Variants in C10orf67 observed in about 807,000 individuals in gnomAD.
C10orf67 encodes chromosome 10 open reading frame 67.
Under a neutral mutation model 35.6 loss-of-function variants are expected in C10orf67, and 60 were observed. The observed-to-expected ratio is 1.68, with a 90% confidence interval of 1.37 to 2.09. C10orf67 has a LOEUF of 2.09. Ranked by LOEUF, C10orf67 falls within the 30% of genes most tolerant of loss-of-function variation. C10orf67 has a pLI of 0.00. For synonymous variants in C10orf67, 167 were observed against 115.8 expected (o/e 1.44, Z -2.84); for missense variants, 474 against 330.2 (o/e 1.44, Z -3.38).
chr10:23,294,455 T>C (rs1320775537), intron 5 of C10orf67, among the ~76,000 whole-genome samples: 1 of 152,052 alleles, frequency 6.6e-6, no homozygotes, highest in Admixed American at 6.6e-5. Flanking sequence ...CCTTTATAAA[T>C]TCTCAAGAGG....
At chr10:23,333,464 C>T (rs908679833) in intron 1 of C10orf67, among the ~76,000 whole-genome samples, 6 of 152,244 alleles carry the variant, frequency 3.9e-5, no homozygotes, top group Admixed American at 3.9e-4. Flanking sequence ...ATCTTCCATA[C>T]TGTTATTGCC....
chr10:23,246,926 C>T (rs1286422787), intron 12 of C10orf67, among the ~76,000 whole-genome samples: 2 of 152,006 alleles, frequency 1.3e-5, no homozygotes, highest in Admixed American at 6.6e-5. Context: ...TGGGCTCAAG[C>T]GATCCTCCCA....
At chr10:23,241,695 G>A (rs1842182806) in intron 12 of C10orf67, among the ~76,000 whole-genome samples, 1 of 152,098 alleles carries the variant, frequency 6.6e-6, no homozygotes, top group Non-Finnish European at 1.5e-5. Flanking sequence ...AAGGAAGCAG[G>A]AGGATCAGAG....
intron 5 of C10orf67, among the ~76,000 whole-genome samples, chr10:23,292,177 T>G (rs1400179699): frequency 6.7e-6 from 1 of 149,686 alleles, no homozygotes; most frequent in East Asian, 2.0e-4. Context: ...TTTTTTTTTT[T>G]TGCCTTCTTC....
At chr10:23,209,641 TG>T (rs912500257) in intron 15 of C10orf67, among the ~76,000 whole-genome samples, 1 of 152,060 alleles carries the variant, frequency 6.6e-6, no homozygotes, top group African/African-American at 2.4e-5. Context: ...TTGACTGTGG[TG>T]ATCATTTCTC....
chr10:23,243,746 C>T (rs903672168), intron 12 of C10orf67, among the ~76,000 whole-genome samples: 15 of 151,254 alleles, frequency 9.9e-5, no homozygotes, highest in Non-Finnish European at 1.9e-4. Flanking sequence ...AAAAACTGGC[C>T]ATAGCTTGAA....
intron 7 of C10orf67, among the ~76,000 whole-genome samples, chr10:23,285,745 A>C (rs866884049): frequency 6.6e-6 from 1 of 152,264 alleles, no homozygotes; most frequent in African/African-American, 2.4e-5. Flanking sequence ...AGTTATCAAA[A>C]ATATACAGAA....
chr10:23,342,154 A>C (rs1236082881), intron 1 of C10orf67, among the ~76,000 whole-genome samples: 2 of 151,826 alleles, frequency 1.3e-5, no homozygotes, highest in Middle Eastern at 3.4e-3. Context: ...ACAGAGTGAG[A>C]CCCTGACTCT....
intron 2 of C10orf67, among the ~76,000 whole-genome samples, chr10:23,330,557 G>C (rs941251914): frequency 4.6e-5 from 7 of 151,992 alleles, no homozygotes; most frequent in African/African-American, 1.7e-4. Context: ...TGCCTAACAA[G>C]GTGAAACCCT....
At chr10:23,332,575 T>C (rs1353836078) in intron 2 of C10orf67, among the ~76,000 whole-genome samples, 1 of 151,956 alleles carries the variant, frequency 6.6e-6, no homozygotes, top group Non-Finnish European at 1.5e-5. Flanking sequence ...TCCCAGCTAC[T>C]TGTGAGGCTG....
intron 2 of C10orf67, among the ~76,000 whole-genome samples, chr10:23,329,653 A>C (rs1368928188): frequency 6.6e-6 from 1 of 152,030 alleles, no homozygotes; most frequent in Non-Finnish European, 1.5e-5. Context: ...TTTAAAAATT[A>C]GTTGGGCAAG....
intron 15 of C10orf67, 94 bp from the exon 16 acceptor site, chr10:23,204,349 T>G: frequency 2.3e-6 from 1 of 431,474 alleles, no homozygotes; most frequent in East Asian, 3.6e-5. Context: ...TTTGCGTCAT[T>G]TTTTTTAGTG....
At chr10:23,233,157 T>C (rs1003917366) in intron 13 of C10orf67, among the ~76,000 whole-genome samples, 1 of 152,076 alleles carries the variant, frequency 6.6e-6, no homozygotes, top group African/African-American at 2.4e-5. Context: ...ACTCTGTCTT[T>C]AAAAGAAAAA....
intron 13 of C10orf67, among the ~76,000 whole-genome samples, chr10:23,228,245 T>C (rs1588592481): frequency 6.6e-6 from 1 of 152,064 alleles, no homozygotes; most frequent in South Asian, 2.1e-4. Context: ...ACCAGAGATA[T>C]AGACCAATGG....
rs181796937 is a variant in C10orf67 at position 23,313,888 on chromosome 10, G to A, written c.546+6853C>T. On this transcript the variant is annotated intron_variant, in intron 4 of 15. Transcript: ENST00000636213. The stretch of plus-strand genomic sequence containing the variant: ...ATATGGTCAGACTTGTGTTTTGAAC[G>A]ACCACCCAGATGACTGGGCAGACGA... 2.2e-3 allele frequency among the ~76,000 whole-genome samples: 328 copies of A among 152,254 alleles called. 1 individual carries two copies. The highest frequency in any genetic ancestry group is 0.019 in the South Asian group (90 of 4,810).
chr10:23,314,529 A>ACAG (rs1844624807), intron 4 of C10orf67, among the ~76,000 whole-genome samples: 2 of 110,776 alleles, frequency 1.8e-5, no homozygotes, highest in African/African-American at 6.9e-5. Flanking sequence ...CACACACACA[A>ACAG]ACTTATTATC....
At chr10:23,273,169 T>A (rs1444456108) in intron 8 of C10orf67, among the ~76,000 whole-genome samples, 2 of 152,234 alleles carry the variant, frequency 1.3e-5, no homozygotes, top group Non-Finnish European at 2.9e-5. Flanking sequence ...GGATGTTATT[T>A]ATTTTTGTGT....
chr10:23,338,278 G>T (rs1845762111), intron 1 of C10orf67, among the ~76,000 whole-genome samples: 1 of 152,136 alleles, frequency 6.6e-6, no homozygotes, highest in African/African-American at 2.4e-5. Context: ...TGGCCATGGT[G>T]TCAGGAGTTC....
At chr10:23,321,055 CTTCAT>C (rs1259909140) in intron 3 of C10orf67, among the ~76,000 whole-genome samples, 4 of 152,166 alleles carry the variant, frequency 2.6e-5, no homozygotes, top group Admixed American at 2.0e-4. Context: ...AATTTGAACA[CTTCAT>C]TTCATTTTTC....
Sources: gnomAD v4.1 joint callset for allele counts (sites outside exome capture counted in the v4.1 genomes callset) on GRCh38, gnomAD v4.1.1 for gene constraint, MANE v1.5 for transcripts, NCBI Gene and HGNC (gene_info 2026-07-23, HGNC 2026-07-21) for gene names.